The following FBXL17 variants were observed in gnomAD, a reference collection of about 807,000 sequenced individuals.
FBXL17 encodes F-box/LRR-repeat protein 17.
A neutral mutation model predicts 66.2 loss-of-function variants in FBXL17; 22 were observed. The ratio of observed to expected loss-of-function variants is 0.33; its 90% confidence interval spans 0.24 to 0.47. FBXL17 has a LOEUF of 0.47. Ranked by LOEUF, FBXL17 falls within the 20% of genes least tolerant of loss-of-function variation. The pLI is 1.00. For missense variants in FBXL17, 878 were observed against 948.2 expected, an observed-to-expected ratio of 0.93 and a Z score of 0.97; for synonymous variants, 474 against 400.5, an observed-to-expected ratio of 1.18 and a Z score of -2.19.
chr5:108,315,099 C>G (rs958330439), intron 4 of FBXL17, among the ~76,000 whole-genome samples: 1 of 150,720 alleles, frequency 6.6e-6, no homozygotes, highest in Non-Finnish European at 1.5e-5. Flanking sequence ...TAAAAAAGTA[C>G]AACCTCATTA....
At position 107,881,100 on chromosome 5, in the gene FBXL17, T is replaced by G. The variant is rs975794156; in HGVS notation, c.1902A>C (p.Gly634=). ...TGCTGCTCTGTGCAATCAGGGTGGC[T>G]CCTTGGTCTGTGATTTCTTTACACC... ...VGWCKEITDQ[G]ATLIAQSSKS... The change falls in exon 8 of 9, where the codon GGA becomes GGC. Residue 634 remains glycine (G), a synonymous_variant. Coordinates refer to ENST00000542267, the MANE Select transcript of FBXL17 (RefSeq NM_001163315.3). 1 of 1,613,948 alleles carries G rather than the reference T, an allele frequency of 6.2e-7. No individual in the cohort carries two copies. The highest frequency in any genetic ancestry group is 8.5e-7 in the Non-Finnish European group (1 of 1,179,976).
chr5:108,244,881 G>C (rs1756022983), intron 4 of FBXL17, among the ~76,000 whole-genome samples: 1 of 151,982 alleles, frequency 6.6e-6, no homozygotes, highest in Non-Finnish European at 1.5e-5. Flanking sequence ...TAAAATTATA[G>C]GTAATTTTTG....
At position 108,166,049 on chromosome 5, in the gene FBXL17, A is replaced by G. The variant is rs532156263; in HGVS notation, c.1745+20068T>C. Among the ~76,000 whole-genome samples, 16 of 152,340 alleles carry G rather than the reference A, an allele frequency of 1.1e-4. 1 individual carries two copies. In the South Asian group the frequency reaches 3.3e-3, roughly 32 times the overall value. On this transcript the variant is annotated intron_variant, in intron 6 of 8. Transcript: ENST00000542267. ...AAAAACTCATTTTCAAGCAGTTCACAGTTCCCTTATAACATTTCACTTTCA... is the reference window on the plus strand; with the variant it reads ...AAAAACTCATTTTCAAGCAGTTCACGGTTCCCTTATAACATTTCACTTTCA...
intron 5 of FBXL17, among the ~76,000 whole-genome samples, chr5:108,186,761 G>A (rs1358790165): frequency 6.7e-6 from 1 of 148,964 alleles, no homozygotes; most frequent in Non-Finnish European, 1.5e-5. Context: ...GAGTGAGACT[G>A]CGTATCAAAA....
intron 6 of FBXL17, among the ~76,000 whole-genome samples, chr5:108,166,442 G>C (rs1752419430): frequency 6.6e-6 from 1 of 152,150 alleles, no homozygotes; most frequent in African/African-American, 2.4e-5. Context: ...ACGTTTCTAA[G>C]CTCCAAAGTT....
chr5:107,873,560 T>C (rs1422026066), intron 8 of FBXL17, among the ~76,000 whole-genome samples: 1 of 152,202 alleles, frequency 6.6e-6, no homozygotes, highest in Non-Finnish European at 1.5e-5. Context: ...TGGCCAGGCC[T>C]GGCATGTGGG....
At chr5:108,312,315 CTTCTAAT>C (rs940245259) in intron 4 of FBXL17, among the ~76,000 whole-genome samples, 4 of 152,082 alleles carry the variant, frequency 2.6e-5, no homozygotes, top group African/African-American at 9.7e-5. Context: ...CTACCCTATA[CTTCTAAT>C]TTCCATGTAG....
chr5:107,962,064 G>C (rs1751933555), intron 7 of FBXL17, among the ~76,000 whole-genome samples: 1 of 152,034 alleles, frequency 6.6e-6, no homozygotes, highest in South Asian at 2.1e-4. Context: ...CTATTGTATA[G>C]TTCTTTGAAA....
chr5:108,087,280 C>T lies in FBXL17; in HGVS notation c.1746-66279G>A, dbSNP rs775320792. On this transcript the variant is annotated intron_variant, in intron 6 of 8. Coordinates refer to ENST00000542267, the MANE Select transcript of FBXL17 (RefSeq NM_001163315.3). The stretch of plus-strand genomic sequence containing the variant: ...TTCAACTCAATTACTTGGAAGATTA[C>T]AATATACTGTGGTAGAGACAGATGC... Among the ~76,000 whole-genome samples the T allele has an allele frequency of 2.2e-4, 33 of 152,242 alleles. 1 individual carries two copies. The Middle Eastern group carries it at 0.014, about 63-fold the overall frequency.
intron 6 of FBXL17, among the ~76,000 whole-genome samples, chr5:108,063,260 G>C (rs1239455512): frequency 1.3e-5 from 2 of 152,138 alleles, no homozygotes; most frequent in African/African-American, 4.8e-5. Flanking sequence ...GTTCCCAATG[G>C]TGAGAAATGA....
intron 7 of FBXL17, among the ~76,000 whole-genome samples, chr5:107,893,927 G>A (rs943689271): frequency 6.6e-6 from 1 of 152,212 alleles, no homozygotes; most frequent in Non-Finnish European, 1.5e-5. Context: ...TGTACTGGCT[G>A]TAGCGATATA....
intron 4 of FBXL17, among the ~76,000 whole-genome samples, chr5:108,278,617 G>T (rs933144781): frequency 1.3e-5 from 2 of 152,226 alleles, no homozygotes; most frequent in Non-Finnish European, 2.9e-5. Flanking sequence ...AAACTGCCAG[G>T]TCTGATAGAA....
At chr5:108,340,402 A>C (rs1746803809) in intron 4 of FBXL17, among the ~76,000 whole-genome samples, 1 of 151,988 alleles carries the variant, frequency 6.6e-6, no homozygotes, top group East Asian at 1.9e-4. Flanking sequence ...AAAAAAAAAA[A>C]AAAAAACTCG....
chr5:108,289,456 A>G (rs985180377), intron 4 of FBXL17, among the ~76,000 whole-genome samples: 5 of 152,116 alleles, frequency 3.3e-5, no homozygotes, highest in African/African-American at 1.2e-4. Flanking sequence ...CAATATGTAA[A>G]GAAGTATCAG....
intron 4 of FBXL17, among the ~76,000 whole-genome samples, chr5:108,337,767 C>A (rs1760457984): frequency 6.7e-6 from 1 of 150,156 alleles, no homozygotes; most frequent in Non-Finnish European, 1.5e-5. Flanking sequence ...TTGAAATGAG[C>A]CACTACATAT....
intron 2 of FBXL17, among the ~76,000 whole-genome samples, chr5:108,365,753 C>A (rs1466366292): frequency 1.3e-5 from 2 of 152,014 alleles, no homozygotes; most frequent in African/African-American, 2.4e-5. Context: ...CTCAGTGATA[C>A]CTCTGGGAGT....
intron 4 of FBXL17, among the ~76,000 whole-genome samples, chr5:108,224,886 C>T (rs1755034029): frequency 6.6e-6 from 1 of 152,088 alleles, no homozygotes. Context: ...CCTTGGCCTC[C>T]CAAAGTGCTG....
At chr5:108,374,621 A>C (rs909331828) in intron 1 of FBXL17, among the ~76,000 whole-genome samples, 1 of 152,098 alleles carries the variant, frequency 6.6e-6, no homozygotes, top group African/African-American at 2.4e-5. Flanking sequence ...AGTTGCAGTG[A>C]GCCATGATCA....
At chr5:108,127,067 CTTG>C (rs1341194553) in intron 6 of FBXL17, among the ~76,000 whole-genome samples, 1 of 152,064 alleles carries the variant, frequency 6.6e-6, no homozygotes, top group Non-Finnish European at 1.5e-5. Flanking sequence ...TATTAACATT[CTTG>C]TTGTTTATGT....
Sources: allele counts gnomAD v4.1 joint callset (sites outside exome capture counted in the v4.1 genomes callset), GRCh38; gene constraint gnomAD v4.1.1; transcripts MANE v1.5; gene names NCBI Gene and HGNC (gene_info 2026-07-23, HGNC 2026-07-21).